Variants in CALD1 observed in about 807,000 individuals in gnomAD.
CALD1 encodes caldesmon 1, also known as caldesmon.
Under a neutral mutation model 99.9 loss-of-function variants are expected in CALD1, and 33 were observed. That is an observed-to-expected ratio of 0.33 (90% confidence interval 0.25 to 0.44). CALD1 has a LOEUF of 0.44. Among genes scored for constraint, CALD1 ranks in the 20% least tolerant of loss-of-function variants. The pLI, the probability that CALD1 is intolerant of heterozygous loss-of-function variation, is 1.00. For missense variants in CALD1, 861 were observed against 962.1 expected (o/e 0.89, Z 1.39); for synonymous variants, 310 against 325.0 (o/e 0.95, Z 0.50).
At chr7:134,714,613 C>T in the CALD1 span, among the ~76,000 whole-genome samples, 20 of 152,236 alleles carry the variant, frequency 1.3e-4, no homozygotes, top group Non-Finnish European at 2.8e-4. Context: ...AGTGTCACTG[C>T]TCAGTGACTG....
chr7:134,897,905 C>T (rs780639227), intron 3 of CALD1, among the ~76,000 whole-genome samples: 4 of 151,864 alleles, frequency 2.6e-5, no homozygotes, highest in Non-Finnish European at 5.9e-5. Context: ...GATGGGGTCT[C>T]GCTGTATTGC....
intron 1 of CALD1, among the ~76,000 whole-genome samples, chr7:134,751,445 T>C (rs1012788709): frequency 6.6e-6 from 1 of 152,248 alleles, no homozygotes; most frequent in Non-Finnish European, 1.5e-5. Context: ...TTCATAGGTT[T>C]ATCAAGGTGA....
intron 1 of CALD1, among the ~76,000 whole-genome samples, chr7:134,828,812 T>G (rs1035100717): frequency 6.6e-6 from 1 of 152,226 alleles, no homozygotes; most frequent in Admixed American, 6.5e-5. Flanking sequence ...CTGGTTGCTC[T>G]GATACAGTTA....
At chr7:134,843,555 TA>T (rs1799734969) in intron 1 of CALD1, among the ~76,000 whole-genome samples, 1 of 152,208 alleles carries the variant, frequency 6.6e-6, no homozygotes, top group Non-Finnish European at 1.5e-5. Flanking sequence ...AGTTTCCCTT[TA>T]TTCATTCTCA....
At chr7:134,743,312 C>G (rs1265263233), upstream of CALD1, among the ~76,000 whole-genome samples, 1 of 152,094 alleles carries the variant, frequency 6.6e-6, no homozygotes, top group Non-Finnish European at 1.5e-5. Context: ...CAAAGAATTC[C>G]TGAAGGTCTG....
chr7:134,956,204 T>C (rs966435101), intron 9 of CALD1, among the ~76,000 whole-genome samples: 1 of 152,066 alleles, frequency 6.6e-6, no homozygotes, highest in Non-Finnish European at 1.5e-5. Context: ...TCTATAAAAC[T>C]GTTATTCAAC....
At chr7:134,735,016 T>A in the CALD1 span, 1 of 252,432 alleles carries the variant, frequency 4.0e-6, no homozygotes, top group Non-Finnish European at 7.9e-6. Context: ...CTCAGTGAAC[T>A]CCATCTCGTC....
At chr7:134,718,205 A>G in the CALD1 span, among the ~76,000 whole-genome samples, 1 of 152,254 alleles carries the variant, frequency 6.6e-6, no homozygotes, top group African/African-American at 2.4e-5. Flanking sequence ...CTCTTGGGAA[A>G]GAAGATGAAA....
At position 134,933,214 on chromosome 7, in the gene CALD1, A is replaced by C; in HGVS notation, c.445A>C (p.Lys149Gln). The change falls in exon 5 of 15, where the codon AAG (lysine) becomes CAG (glutamine). Residue 149 changes from lysine (K) to glutamine (Q), a missense_variant. Physicochemically the swap from Lys to Gln is moderately conservative, Grantham distance 53 (BLOSUM62 1). Coordinates refer to ENST00000361675, the MANE Select transcript of CALD1 (RefSeq NM_033138.4). ...CACAGCAGAAAATGAAACTACCGAGAAGGAAGAAAAAAGTGAAAGTCGCCA... is the reference window on the plus strand; with the variant it reads ...CACAGCAGAAAATGAAACTACCGAGCAGGAAGAAAAAAGTGAAAGTCGCCA... ...NDTAENETTE[K>Q]EEKSESRQER... is the part of the protein sequence containing the mutation. 6.2e-7 allele frequency: 1 copy of C among 1,611,408 alleles called. No homozygotes were observed. The highest frequency in any genetic ancestry group is 8.5e-7 in the Non-Finnish European group (1 of 1,179,302).
intron 3 of CALD1, among the ~76,000 whole-genome samples, chr7:134,927,313 T>C (rs1805100017): frequency 6.6e-6 from 1 of 151,972 alleles, no homozygotes; most frequent in African/African-American, 2.4e-5. Flanking sequence ...TCACTTTAGA[T>C]GACTACAAAA....
chr7:134,924,429 C>T (rs986662152), intron 3 of CALD1, among the ~76,000 whole-genome samples: 10 of 152,012 alleles, frequency 6.6e-5, no homozygotes, highest in Admixed American at 6.6e-4. Context: ...ATGGGAAGCT[C>T]ACCATGAGGG....
chr7:134,891,310 T>C, intron 3 of CALD1: 1 of 1,002,428 alleles, frequency 1.0e-6, no homozygotes. Flanking sequence ...AAGCAATCAG[T>C]GCTCTCTGAT....
chr7:134,837,961 A>T (rs1435896511), intron 1 of CALD1, among the ~76,000 whole-genome samples: 1 of 152,224 alleles, frequency 6.6e-6, no homozygotes, highest in Admixed American at 6.5e-5. Flanking sequence ...AATGGGAAAG[A>T]TCTATGTTCA....
At chr7:134,844,295 G>C (rs1213232116) in intron 2 of CALD1, 1 of 151,956 alleles carries the variant, frequency 6.6e-6, no homozygotes, top group Non-Finnish European at 1.5e-5. Context: ...AAAAATGCTA[G>C]TGACTTGAAT....
At chr7:134,939,276 G>A (rs868822059) in intron 6 of CALD1, among the ~76,000 whole-genome samples, 1 of 152,198 alleles carries the variant, frequency 6.6e-6, no homozygotes, top group African/African-American at 2.4e-5. Context: ...CATGACCCAT[G>A]AGGACCCAAG....
In CALD1 at chr7:134,891,617, G is replaced by A. The variant is rs760374572; in HGVS notation, c.71+23813G>A. The A allele has an allele frequency of 1.1e-5, 17 of 1,608,092 alleles. No homozygotes were observed. The African/African-American group carries it at 1.1e-4, about 10-fold the overall frequency. ...TGCCCCGCCGCCCCTTCCCAACTGC[G>A]GACATGCTGGGTGGATCCGGATCGC... On this transcript the variant is annotated intron_variant, in intron 3 of 14. Coordinates refer to ENST00000361675, the MANE Select transcript of CALD1 (RefSeq NM_033138.4).
At chr7:134,920,609 C>T (rs1208636078) in intron 3 of CALD1, 2 of 1,288,850 alleles carry the variant, frequency 1.6e-6, no homozygotes, top group African/African-American at 1.5e-5. Context: ...CTGAAATCTC[C>T]ATCGACCAAC....
At chr7:134,890,322 T>C (rs1802091311) in intron 3 of CALD1, among the ~76,000 whole-genome samples, 1 of 151,948 alleles carries the variant, frequency 6.6e-6, no homozygotes, top group East Asian at 1.9e-4. Flanking sequence ...AACACAAGAG[T>C]AGTAGATGCA....
chr7:134,928,884 G>A lies in CALD1; in HGVS notation c.202G>A (p.Val68Met), dbSNP rs775144649. The A allele has an allele frequency of 3.1e-6, 5 of 1,613,486 alleles. No individual in the cohort carries two copies. In the East Asian group the frequency reaches 1.1e-4, roughly 36 times the overall value. ...GGGACAGGTGACCGACCAGGTGGAG[G>A]TGAATGCCCAGAACAGGTACTGTCC... ...SLGQVTDQVE[V>M]NAQNSVPDEE... The change falls in exon 4 of 15, where the codon GTG becomes ATG. Residue 68 changes from valine to methionine, a missense_variant. Physicochemically the swap from Val to Met is conservative, Grantham distance 21 (BLOSUM62 1). Coordinates refer to ENST00000361675, the MANE Select transcript of CALD1 (RefSeq NM_033138.4).
Sources: gnomAD v4.1 joint callset for allele counts (sites outside exome capture counted in the v4.1 genomes callset) on GRCh38, gnomAD v4.1.1 for gene constraint, MANE v1.5 for transcripts, NCBI Gene and HGNC (gene_info 2026-07-23, HGNC 2026-07-21) for gene names.